The following TRABD2B variants were observed in gnomAD, a reference collection of about 807,000 sequenced individuals.
TRABD2B encodes the protein metalloprotease TIKI2.
Under a neutral mutation model 40.1 loss-of-function variants are expected in TRABD2B, and 14 were observed. The observed-to-expected ratio is 0.35, with a 90% confidence interval of 0.23 to 0.55. TRABD2B has a LOEUF of 0.55. TRABD2B is among the 20% of genes least tolerant of loss of function. The pLI is 0.90. For missense variants in TRABD2B, 541 were observed against 648.6 expected (o/e 0.83, Z 1.80); for synonymous variants, 263 against 277.0 (o/e 0.95, Z 0.50).
intron 6 of TRABD2B, among the ~76,000 whole-genome samples, chr1:47,766,570 C>T (rs564126978): frequency 5.9e-5 from 9 of 152,324 alleles, no homozygotes; most frequent in East Asian, 1.9e-4. Context: ...TCATAACTAC[C>T]GCTTGTTGAG....
intron 2 of TRABD2B, among the ~76,000 whole-genome samples, chr1:47,816,381 A>G (rs571333440): frequency 3.9e-5 from 6 of 152,014 alleles, no homozygotes; most frequent in African/African-American, 1.4e-4. Flanking sequence ...TTCAACATGG[A>G]CTCTCAGAAG....
chr1:47,844,401 G>A (rs1001907295), intron 2 of TRABD2B, among the ~76,000 whole-genome samples: 1 of 152,164 alleles, frequency 6.6e-6, no homozygotes, highest in African/African-American at 2.4e-5. Flanking sequence ...GCTTGGAGGC[G>A]GGAGAAGTTC....
intron 2 of TRABD2B, among the ~76,000 whole-genome samples, chr1:47,832,510 T>A (rs1176837025): frequency 6.6e-6 from 1 of 152,134 alleles, no homozygotes; most frequent in Non-Finnish European, 1.5e-5. Context: ...AAATATTTGT[T>A]AGTGGATAAC....
At position 47,846,420 on chromosome 1, in the gene TRABD2B, C is replaced by T. The variant is rs118112176; in HGVS notation, c.667-44801G>A. 3.5e-4 allele frequency among the ~76,000 whole-genome samples: 54 copies of T among 152,264 alleles called. No individual in the cohort carries two copies. The East Asian group carries it at 8.7e-3, about 25-fold the overall frequency. ...GTGGTAGAAGTGATATGTGCTCATC[C>T]AAGAGCCGAAGGCCTGAGTTCCTAG... On this transcript the variant is annotated intron_variant, in intron 2 of 6. Transcript: ENST00000606738.
rs918595120 is a variant in TRABD2B at position 47,762,878 on chromosome 1, A to G, written c.*3024T>C. On this transcript the variant is annotated 3_prime_UTR_variant, in exon 7 of 7. Transcript: ENST00000606738. ...CCAGAGAGCCCTTCATCACACAGTC[A>G]GCTTTCGTGAGAGGTAGAGGACCCA... The G allele has an allele frequency of 1.3e-5, 2 of 152,160 alleles. No individual in the cohort carries two copies. Among genetic ancestry groups the G allele is most frequent in the African/African-American group, 4.8e-5 (2 of 41,426 alleles). The allele number at this position is 152,160 out of a possible 1,614,324, so 9.4% of individuals were successfully genotyped here.
At position 47,997,068 on chromosome 1, in the gene TRABD2B, G is replaced by C. The variant is rs1355321759; in HGVS notation, c.-279C>G. On this transcript the variant is annotated 5_prime_UTR_variant, in exon 1 of 7. Coordinates refer to ENST00000606738, the MANE Select transcript of TRABD2B (RefSeq NM_001194986.2). ...CCCCCGGGTGCTGAGGGCGTGTTGG[G>C]GTCCGGGGGCGCGCGGGGTCCCGGA... 1.0e-6 allele frequency: 1 copy of C among 983,800 alleles called. No individual in the cohort carries two copies. Among genetic ancestry groups the C allele is most frequent in the East Asian group, 1.2e-4 (1 of 8,580 alleles). 60.9% of individuals were successfully genotyped at this position (983,800 alleles called of 1,614,324 possible).
chr1:47,909,471 A>C (rs1644722666), intron 2 of TRABD2B, among the ~76,000 whole-genome samples: 1 of 70,726 alleles, frequency 1.4e-5, no homozygotes, highest in African/African-American at 5.7e-5. Context: ...GGAGAAGGGG[A>C]AGGAGAAGGA....
chr1:47,764,770 T>C lies in TRABD2B; in HGVS notation c.*1132A>G, dbSNP rs1403286991. Reference sequence around the variant, plus strand: ...CAGAACAGGGAACAGGAGGCAGGAATTGTTTTGCATCACACTGATCTGGGG... The same window carrying C: ...CAGAACAGGGAACAGGAGGCAGGAACTGTTTTGCATCACACTGATCTGGGG... On this transcript the variant is annotated 3_prime_UTR_variant, in exon 7 of 7. Coordinates refer to ENST00000606738, the MANE Select transcript of TRABD2B (RefSeq NM_001194986.2). The C allele has an allele frequency of 6.6e-6, 1 of 152,134 alleles. No individual in the cohort carries two copies. Among genetic ancestry groups the C allele is most frequent in the African/African-American group, 2.4e-5 (1 of 41,416 alleles). 9.4% of individuals were successfully genotyped at this position (152,134 alleles called of 1,614,324 possible).
At position 47,840,569 on chromosome 1, in the gene TRABD2B, T is replaced by C. The variant is rs1332471429; in HGVS notation, c.667-38950A>G. Among the ~76,000 whole-genome samples, 8 of 152,300 alleles carry C rather than the reference T, an allele frequency of 5.3e-5. No homozygotes were observed. In the East Asian group the frequency reaches 1.5e-3, roughly 29 times the overall value. On this transcript the variant is annotated intron_variant, in intron 2 of 6. Transcript: ENST00000606738. ...TGGCAGACCCACTGGGATTAATTAATGACAGGCCTGTCTTCAGGGTGGCCC... is the reference window on the plus strand; with the variant it reads ...TGGCAGACCCACTGGGATTAATTAACGACAGGCCTGTCTTCAGGGTGGCCC...
chr1:47,794,716 C>G lies in TRABD2B; in HGVS notation c.858G>C (p.Val286=). The change falls in exon 4 of 7, where the codon GTG becomes GTC. Residue 286 remains valine, a synonymous_variant. Transcript: ENST00000606738. ...INTTLPPHEQ[V]TAQEIDSYFR... Reference sequence around the variant, plus strand: ...AGTAGCTGTCAATCTCCTGGGCCGTCACCTGCTCGTGTGGCGGGAGGGTGG... The same window carrying G: ...AGTAGCTGTCAATCTCCTGGGCCGTGACCTGCTCGTGTGGCGGGAGGGTGG... The G allele has an allele frequency of 1.3e-6, 2 of 1,535,996 alleles. No homozygotes were observed. Among genetic ancestry groups the G allele is most frequent in the South Asian group, 2.4e-5 (2 of 83,980 alleles).
intron 2 of TRABD2B, among the ~76,000 whole-genome samples, chr1:47,810,569 G>T (rs553087848): frequency 1.3e-5 from 2 of 152,280 alleles, no homozygotes; most frequent in South Asian, 4.1e-4. Flanking sequence ...GTGAGGCGAC[G>T]GACCTGTGTT....
chr1:47,914,056 C>T (rs761820740), intron 2 of TRABD2B, among the ~76,000 whole-genome samples: 4 of 152,236 alleles, frequency 2.6e-5, no homozygotes, highest in African/African-American at 4.8e-5. Context: ...CTCACTCTGT[C>T]GCAGCTTCTC....
intron 2 of TRABD2B, among the ~76,000 whole-genome samples, chr1:47,837,720 G>A (rs1165901101): frequency 3.3e-5 from 5 of 152,162 alleles, no homozygotes; most frequent in South Asian, 2.1e-4. Flanking sequence ...AATGATTCCC[G>A]AGGGCAATTA....
intron 2 of TRABD2B, among the ~76,000 whole-genome samples, chr1:47,882,728 G>A (rs1644322281): frequency 6.6e-6 from 1 of 152,104 alleles, no homozygotes; most frequent in Non-Finnish European, 1.5e-5. Context: ...CAGCTCTGGA[G>A]GGGAGCAAGG....
chr1:47,806,548 CCT>C (rs1285768838), intron 2 of TRABD2B, among the ~76,000 whole-genome samples: 1 of 152,214 alleles, frequency 6.6e-6, no homozygotes, highest in Non-Finnish European at 1.5e-5. Context: ...GCTAGAGCTG[CCT>C]CTCTCACCCT....
intron 2 of TRABD2B, among the ~76,000 whole-genome samples, chr1:47,836,070 T>C (rs1048566586): frequency 6.6e-6 from 1 of 152,208 alleles, no homozygotes. Context: ...AAAGTTTTTA[T>C]ATATTATTGT....
intron 2 of TRABD2B, among the ~76,000 whole-genome samples, chr1:47,931,771 GT>G (rs1645043404): frequency 1.3e-5 from 2 of 152,124 alleles, no homozygotes; most frequent in African/African-American, 4.8e-5. Context: ...GCTGCTCCCT[GT>G]CCAAGTCCTG....
At chr1:47,871,318 T>A (rs1644137598) in intron 2 of TRABD2B, among the ~76,000 whole-genome samples, 1 of 152,012 alleles carries the variant, frequency 6.6e-6, no homozygotes, top group African/African-American at 2.4e-5. Flanking sequence ...CCCTCCCAGA[T>A]CCTCCCCTGC....
chr1:47,907,190 A>T (rs1297670433), intron 2 of TRABD2B, among the ~76,000 whole-genome samples: 1 of 152,206 alleles, frequency 6.6e-6, no homozygotes, highest in Non-Finnish European at 1.5e-5. Context: ...TGCCTTCACA[A>T]ATACACTTTC....
Sources: gnomAD v4.1 joint callset for allele counts (sites outside exome capture counted in the v4.1 genomes callset) on GRCh38, gnomAD v4.1.1 for gene constraint, MANE v1.5 for transcripts, NCBI Gene and HGNC (gene_info 2026-07-23, HGNC 2026-07-21) for gene names.